The following NOX4 variants were observed in gnomAD, a reference collection of about 807,000 sequenced individuals.
NOX4 encodes kidney oxidase-1.
A neutral mutation model predicts 87.6 loss-of-function variants in NOX4; 69 were observed. The observed-to-expected ratio is 0.79, with a 90% confidence interval of 0.65 to 0.96. NOX4 has a LOEUF of 0.96. NOX4 is among the 40% of genes least tolerant of loss of function. The pLI is 0.00. For missense variants in NOX4, 680 were observed against 681.5 expected, an observed-to-expected ratio of 1.00 and a Z score of 0.02; for synonymous variants, 275 against 238.2, an observed-to-expected ratio of 1.15 and a Z score of -1.42.
Position 89,340,169 on chromosome 11 carries a change from T to C in NOX4, c.1340A>G (p.Asp447Gly). 2 of 1,578,884 alleles carry C rather than the reference T, an allele frequency of 1.3e-6. No individual in the cohort carries two copies. Among genetic ancestry groups the C allele is most frequent in the Non-Finnish European group, 1.7e-6 (2 of 1,156,936 alleles). The change falls in exon 15 of 18, where the codon GAT becomes GGT. Residue 447 changes from aspartate (D) to glycine (G), a missense_variant and splice_region_variant. Transcript: ENST00000263317. ...PFASILNTLL[D>G]DWKPYKLRRL... The stretch of plus-strand genomic sequence containing the variant: ...TCTAAGCTTGTATGGTTTCCAGTCA[T>C]CCCTTTAAAATGAAAATAACATGAT...
chr11:89,379,491 A>G (rs1940114325), intron 11 of NOX4, among the ~76,000 whole-genome samples: 1 of 152,182 alleles, frequency 6.6e-6, no homozygotes, highest in South Asian at 2.1e-4. Context: ...GGAGACGTGA[A>G]ACACAAAGCC....
chr11:89,456,420 G>C (rs1201587374), intron 2 of NOX4, among the ~76,000 whole-genome samples: 1 of 152,098 alleles, frequency 6.6e-6, no homozygotes, highest in East Asian at 1.9e-4. Flanking sequence ...CAAGATGGCC[G>C]ACTAGATACA....
chr11:89,357,796 G>C (rs1254200244), intron 12 of NOX4, among the ~76,000 whole-genome samples: 1 of 151,926 alleles, frequency 6.6e-6, no homozygotes, highest in Non-Finnish European at 1.5e-5. Flanking sequence ...CATCCTTTTC[G>C]CAGCAATAAG....
At position 89,384,897 on chromosome 11, in the gene NOX4, C is replaced by A. The variant is rs576803039; in HGVS notation, c.1075-11405G>T. Among the ~76,000 whole-genome samples, 3 of 152,276 alleles carry A rather than the reference C, an allele frequency of 2.0e-5. No individual in the cohort carries two copies. The South Asian group carries it at 6.2e-4, about 32-fold the overall frequency. ...GACTGTATCTCTCTGATCCACCTGA[C>A]ATTCACTCCATTTCCCCATATTTTC... On this transcript the variant is annotated intron_variant, in intron 11 of 17. Coordinates refer to ENST00000263317, the MANE Select transcript of NOX4 (RefSeq NM_016931.5).
At chr11:89,371,737 T>C (rs1939458909) in intron 12 of NOX4, among the ~76,000 whole-genome samples, 1 of 151,930 alleles carries the variant, frequency 6.6e-6, no homozygotes, top group Non-Finnish European at 1.5e-5. Flanking sequence ...TGATTATTCA[T>C]ATGTTCATAC....
chr11:89,333,491 C>A (rs986199275), intron 17 of NOX4, among the ~76,000 whole-genome samples: 1 of 151,714 alleles, frequency 6.6e-6, no homozygotes, highest in African/African-American at 2.4e-5. Flanking sequence ...AGTTACCAGT[C>A]ATTACCTCTG....
chr11:89,360,325 C>T (rs2135000892), intron 12 of NOX4, among the ~76,000 whole-genome samples: 1 of 152,074 alleles, frequency 6.6e-6, no homozygotes, highest in East Asian at 1.9e-4. Context: ...ACACCGTTGC[C>T]AAGTAGATCT....
At chr11:89,471,363 T>C (rs547760352) in intron 2 of NOX4, among the ~76,000 whole-genome samples, 1 of 152,256 alleles carries the variant, frequency 6.6e-6, no homozygotes, top group East Asian at 1.9e-4. Flanking sequence ...GGGGAAAATA[T>C]GTTCTGAGCA....
chr11:89,414,899 T>A (rs1193190344), intron 8 of NOX4, among the ~76,000 whole-genome samples: 1 of 151,832 alleles, frequency 6.6e-6, no homozygotes, highest in Non-Finnish European at 1.5e-5. Context: ...GAAAAATATA[T>A]CCTAGATTTT....
the NOX4 span, chr11:89,577,347 A>T: frequency 6.6e-6 from 1 of 152,190 alleles, no homozygotes; most frequent in Non-Finnish European, 1.5e-5. Flanking sequence ...TTGATTTAAA[A>T]ATATCTAATG....
intron 16 of NOX4, among the ~76,000 whole-genome samples, chr11:89,336,572 G>T (rs1457565149): frequency 1.3e-5 from 2 of 151,970 alleles, no homozygotes; most frequent in Non-Finnish European, 2.9e-5. Context: ...CAGAGCATTA[G>T]ATCTAAATCA....
chr11:89,547,540 T>C, the NOX4 span, among the ~76,000 whole-genome samples: 1 of 152,178 alleles, frequency 6.6e-6, no homozygotes, highest in African/African-American at 2.4e-5. Flanking sequence ...TTATTAGAAA[T>C]CACAATTTCA....
rs1591380537 is a variant in NOX4 at position 89,491,156 on chromosome 11, G to C, written c.57+34C>G. The C allele has an allele frequency of 4.4e-6, 7 of 1,605,084 alleles. No individual in the cohort carries two copies. The East Asian group carries it at 1.1e-4, about 26-fold the overall frequency. ...TGAATCAAAATCACTGCAGGACAGA[G>C]AGAACGCAAGGAGAGCCTAGCCCGC... On this transcript the variant is annotated intron_variant, in intron 1 of 17. Transcript: ENST00000263317.
At chr11:89,407,113 G>T (rs1167160848) in intron 8 of NOX4, among the ~76,000 whole-genome samples, 1 of 151,944 alleles carries the variant, frequency 6.6e-6, no homozygotes, top group African/African-American at 2.4e-5. Flanking sequence ...TACTTTTCTT[G>T]CACATAATAG....
chr11:89,457,756 A>T (rs2135405800), intron 2 of NOX4, among the ~76,000 whole-genome samples: 1 of 152,252 alleles, frequency 6.6e-6, no homozygotes, highest in African/African-American at 2.4e-5. Context: ...ACATCAGCCC[A>T]CCAACAGTGT....
chr11:89,387,573 T>G (rs1940804490), intron 11 of NOX4, among the ~76,000 whole-genome samples: 1 of 152,214 alleles, frequency 6.6e-6, no homozygotes, highest in African/African-American at 2.4e-5. Flanking sequence ...TGTTCCTGAA[T>G]AAAAATAATA....
chr11:89,353,652 T>A (rs1937749287), intron 13 of NOX4, among the ~76,000 whole-genome samples: 1 of 151,970 alleles, frequency 6.6e-6, no homozygotes, highest in South Asian at 2.1e-4. Flanking sequence ...ACCCACAATA[T>A]CTCTGAGGTA....
the NOX4 span, chr11:89,589,448 G>A: frequency 1.3e-5 from 2 of 152,190 alleles, no homozygotes; most frequent in Admixed American, 6.5e-5. Flanking sequence ...ACATTTTTAA[G>A]CACTTGAATG....
intron 2 of NOX4, among the ~76,000 whole-genome samples, chr11:89,469,897 C>T (rs1185698691): frequency 6.6e-6 from 1 of 152,008 alleles, no homozygotes; most frequent in East Asian, 1.9e-4. Context: ...TACTACCAAA[C>T]TTCTGAAGTT....
Sources: gnomAD v4.1 joint callset for allele counts (sites outside exome capture counted in the v4.1 genomes callset) on GRCh38, gnomAD v4.1.1 for gene constraint, MANE v1.5 for transcripts, NCBI Gene and HGNC (gene_info 2026-07-23, HGNC 2026-07-21) for gene names.